The following ZNF804B variants were observed in gnomAD, a reference collection of about 807,000 sequenced individuals.
The protein encoded by ZNF804B is zinc finger protein 804B.
Under a neutral mutation model 101.4 loss-of-function variants are expected in ZNF804B, and 80 were observed. The observed-to-expected ratio is 0.79, with a 90% CI of 0.66 to 0.95. ZNF804B has a LOEUF of 0.95. Among genes scored for constraint, ZNF804B ranks in the 40% least tolerant of loss-of-function variants. The pLI, the probability that ZNF804B is intolerant of heterozygous loss-of-function variation, is 0.00. For missense variants in ZNF804B, 1,673 were observed against 1,561.9 expected, an observed-to-expected ratio of 1.07 and a Z score of -1.20; for synonymous variants, 622 against 558.8, an observed-to-expected ratio of 1.11 and a Z score of -1.59.
intron 1 of ZNF804B, among the ~76,000 whole-genome samples, chr7:88,942,356 A>G (rs1287689494): frequency 6.6e-6 from 1 of 152,022 alleles, no homozygotes; most frequent in Admixed American, 6.6e-5. Context: ...AGTTTTCATA[A>G]TATGTATAAG....
At chr7:88,951,539 T>C (rs1377519065) in intron 1 of ZNF804B, among the ~76,000 whole-genome samples, 1 of 151,966 alleles carries the variant, frequency 6.6e-6, no homozygotes, top group Non-Finnish European at 1.5e-5. Flanking sequence ...ATATATTTTA[T>C]TTGATAATAT....
chr7:89,157,409 T>A (rs1790994247), intron 1 of ZNF804B, among the ~76,000 whole-genome samples: 1 of 152,204 alleles, frequency 6.6e-6, no homozygotes, highest in Admixed American at 6.6e-5. Context: ...TTTTATAAGT[T>A]GTAAAACATG....
At chr7:89,273,433 T>G (rs1789929208) in intron 2 of ZNF804B, among the ~76,000 whole-genome samples, 1 of 152,144 alleles carries the variant, frequency 6.6e-6, no homozygotes, top group Admixed American at 6.6e-5. Flanking sequence ...ATGTTTTATT[T>G]TGTTACAATT....
chr7:89,205,004 G>T (rs994322427), intron 1 of ZNF804B, among the ~76,000 whole-genome samples: 3 of 152,150 alleles, frequency 2.0e-5, no homozygotes, highest in African/African-American at 7.2e-5. Context: ...CCACATGGCT[G>T]GGGAGACCTC....
rs201784155 is a variant in ZNF804B at position 88,854,515 on chromosome 7, T to C, written c.108+94431T>C. Among the ~76,000 whole-genome samples, 607 of 64,482 alleles carry C rather than the reference T, an allele frequency of 9.4e-3. 27 individuals are homozygous for C. The highest frequency in any genetic ancestry group is 0.025 in the African/African-American group (297 of 12,034). 42.3% of individuals were successfully genotyped at this position (64,482 alleles called of 152,430 possible). The stretch of plus-strand genomic sequence containing the variant: ...TCCTTTCCTTTCCTTTCCTTTCCTT[T>C]CCTTTCCTTCCTTTCCTTCCTTCCT... On this transcript the variant is annotated intron_variant, in intron 1 of 3. Transcript: ENST00000333190.
chr7:89,080,539 T>C (rs1266367583), intron 1 of ZNF804B, among the ~76,000 whole-genome samples: 1 of 151,926 alleles, frequency 6.6e-6, no homozygotes, highest in Non-Finnish European at 1.5e-5. Context: ...TATATTTATA[T>C]GATTTTGATT....
intron 1 of ZNF804B, among the ~76,000 whole-genome samples, chr7:88,855,977 T>C (rs1791550760): frequency 6.6e-6 from 1 of 152,220 alleles, no homozygotes. Flanking sequence ...TCTGTTTTGG[T>C]ACCAGTACCA....
intron 2 of ZNF804B, among the ~76,000 whole-genome samples, chr7:89,304,379 A>G (rs1790528963): frequency 6.6e-6 from 1 of 151,944 alleles, no homozygotes; most frequent in Non-Finnish European, 1.5e-5. Flanking sequence ...TCTCTCCCCT[A>G]TTTCAATAGT....
At chr7:89,128,505 T>G (rs1479332129) in intron 1 of ZNF804B, among the ~76,000 whole-genome samples, 4 of 151,994 alleles carry the variant, frequency 2.6e-5, no homozygotes, top group Admixed American at 2.6e-4. Context: ...CAAGAATGTT[T>G]TTTTCTTTCC....
intron 1 of ZNF804B, among the ~76,000 whole-genome samples, chr7:88,977,681 A>G (rs548215466): frequency 6.6e-6 from 1 of 151,458 alleles, no homozygotes; most frequent in East Asian, 2.0e-4. Context: ...TTTCTTTTCA[A>G]TAAACTAACT....
At chr7:88,762,220 A>G (rs1214238136) in intron 1 of ZNF804B, among the ~76,000 whole-genome samples, 1 of 152,160 alleles carries the variant, frequency 6.6e-6, no homozygotes, top group Admixed American at 6.6e-5. Context: ...TCTCAACACT[A>G]TTTGATTTAC....
chr7:88,803,190 A>G (rs1001740741), intron 1 of ZNF804B, among the ~76,000 whole-genome samples: 1 of 152,030 alleles, frequency 6.6e-6, no homozygotes, highest in Admixed American at 6.6e-5. Context: ...GGCTATTGCA[A>G]TGGTTTGGTG....
At position 89,112,346 on chromosome 7, in the gene ZNF804B, A is replaced by G. The variant is rs1400257191; in HGVS notation, c.109-105809A>G. ...TCATTTTCTTGCATGTGGATGCCCA[A>G]TTATTCCTCTACCATTTGTTGAAAA... is the stretch of plus-strand genomic sequence containing the variant. On this transcript the variant is annotated intron_variant, in intron 1 of 3. Coordinates refer to ENST00000333190, the MANE Select transcript of ZNF804B (RefSeq NM_181646.5). Among the ~76,000 whole-genome samples, 4 of 152,120 alleles carry G rather than the reference A, an allele frequency of 2.6e-5. No homozygotes were observed. In the South Asian group the frequency reaches 6.2e-4, roughly 24 times the overall value.
intron 1 of ZNF804B, among the ~76,000 whole-genome samples, chr7:89,017,321 A>C (rs551626950): frequency 9.9e-4 from 150 of 152,218 alleles, no homozygotes; most frequent in Middle Eastern, 3.4e-3. Context: ...AATTGAATAC[A>C]CTTTATTTCC....
intron 1 of ZNF804B, among the ~76,000 whole-genome samples, chr7:89,176,591 C>CTTT (rs35866405): frequency 3.2e-4 from 23 of 71,908 alleles, no homozygotes; most frequent in South Asian, 6.0e-4. Flanking sequence ...TTCTTTCTTT[C>CTTT]TTTTTTTTTT....
intron 1 of ZNF804B, among the ~76,000 whole-genome samples, chr7:88,946,845 T>A (rs938955590): frequency 2.0e-5 from 3 of 151,728 alleles, no homozygotes; most frequent in Admixed American, 6.6e-5. Context: ...TGTCAAAAAG[T>A]GGGCAAGAGA....
At chr7:88,865,465 A>G (rs970658145) in intron 1 of ZNF804B, among the ~76,000 whole-genome samples, 1 of 152,092 alleles carries the variant, frequency 6.6e-6, no homozygotes, top group Non-Finnish European at 1.5e-5. Flanking sequence ...CCAAGAGGTC[A>G]AAGCTGTAGT....
At chr7:88,992,747 A>T (rs917666047) in intron 1 of ZNF804B, among the ~76,000 whole-genome samples, 14 of 152,080 alleles carry the variant, frequency 9.2e-5, no homozygotes, top group African/African-American at 3.1e-4. Context: ...TTATATTCAC[A>T]GTCCCAGATA....
At chr7:88,933,995 A>G (rs1792930327) in intron 1 of ZNF804B, among the ~76,000 whole-genome samples, 1 of 151,928 alleles carries the variant, frequency 6.6e-6, no homozygotes, top group Non-Finnish European at 1.5e-5. Flanking sequence ...ATTTGGAGGC[A>G]TCACATTACC....
Sources: allele counts gnomAD v4.1 joint callset (sites outside exome capture counted in the v4.1 genomes callset), GRCh38; gene constraint gnomAD v4.1.1; transcripts MANE v1.5; gene names NCBI Gene and HGNC (gene_info 2026-07-23, HGNC 2026-07-21).